Variants in ROR1 observed in about 807,000 individuals in gnomAD.
ROR1 encodes the protein ROR family WNT receptor 1.
Under a neutral mutation model 78.8 loss-of-function variants are expected in ROR1, and 19 were observed. The observed-to-expected ratio is 0.24, with a 90% CI of 0.17 to 0.35. ROR1 has a LOEUF of 0.35. Ranked by LOEUF, ROR1 falls within the 10% of genes least tolerant of loss-of-function variation. The pLI is 1.00. For missense variants in ROR1, 917 were observed against 1,177.8 expected, an observed-to-expected ratio of 0.78 and a Z score of 3.24; for synonymous variants, 386 against 433.6, an observed-to-expected ratio of 0.89 and a Z score of 1.36.
intron 4 of ROR1, among the ~76,000 whole-genome samples, chr1:64,123,990 TGTG>T (rs1648630566): frequency 6.6e-6 from 1 of 152,186 alleles, no homozygotes; most frequent in Non-Finnish European, 1.5e-5. Flanking sequence ...ACTGTGTAAT[TGTG>T]GTCACTAAAA....
chr1:63,998,573 C>A (rs952319177), intron 1 of ROR1, among the ~76,000 whole-genome samples: 2 of 152,114 alleles, frequency 1.3e-5, no homozygotes, highest in African/African-American at 2.4e-5. Flanking sequence ...TAACCTGTAC[C>A]TAGTACCATG....
At chr1:64,171,012 T>G (rs1201481430) in intron 8 of ROR1, among the ~76,000 whole-genome samples, 1 of 152,174 alleles carries the variant, frequency 6.6e-6, no homozygotes, top group Non-Finnish European at 1.5e-5. Flanking sequence ...TTCCCACATT[T>G]TCCTGTCTTC....
intron 1 of ROR1, among the ~76,000 whole-genome samples, chr1:63,934,173 A>C (rs966813948): frequency 3.3e-5 from 5 of 152,164 alleles, no homozygotes; most frequent in Admixed American, 6.5e-5. Flanking sequence ...AACGAGGTCA[A>C]GATCCTGTAG....
At chr1:63,877,433 A>G (rs562947071) in intron 1 of ROR1, among the ~76,000 whole-genome samples, 16 of 152,188 alleles carry the variant, frequency 1.1e-4, no homozygotes, top group Non-Finnish European at 2.2e-4. Context: ...ATTGCCTGAC[A>G]ATGTGTATAA....
At chr1:63,830,463 A>G (rs1644980657) in intron 1 of ROR1, among the ~76,000 whole-genome samples, 1 of 152,176 alleles carries the variant, frequency 6.6e-6, no homozygotes, top group Admixed American at 6.5e-5. Flanking sequence ...CATGTCTTAC[A>G]TGGCAGAGGA....
chr1:63,993,295 A>T lies in ROR1; in HGVS notation c.92-16010A>T, dbSNP rs77963269. On this transcript the variant is annotated intron_variant, in intron 1 of 8. Coordinates refer to ENST00000371079, the MANE Select transcript of ROR1 (RefSeq NM_005012.4). ...GCATACCTCAGAAGAAACACTTGTCATTTGACAGAGGAATCTTTGAGAATT... is the reference window on the plus strand; with the variant it reads ...GCATACCTCAGAAGAAACACTTGTCTTTTGACAGAGGAATCTTTGAGAATT... Among the ~76,000 whole-genome samples the T allele has an allele frequency of 5.7e-3, 872 of 152,298 alleles. 10 individuals carry two copies. The highest frequency in any genetic ancestry group is 0.02 in the African/African-American group (844 of 41,566).
intron 7 of ROR1, among the ~76,000 whole-genome samples, chr1:64,157,626 G>A (rs1649811285): frequency 6.6e-6 from 1 of 152,058 alleles, no homozygotes; most frequent in African/African-American, 2.4e-5. Flanking sequence ...AACTACATAT[G>A]GTTTATTCTC....
intron 1 of ROR1, among the ~76,000 whole-genome samples, chr1:63,916,033 T>C (rs1171297943): frequency 1.3e-5 from 2 of 152,186 alleles, no homozygotes; most frequent in African/African-American, 2.4e-5. Context: ...GTTCAGTTGT[T>C]TTATCCCTAT....
chr1:63,789,018 A>G, intron 1 of ROR1: 1 of 632,832 alleles, frequency 1.6e-6, no homozygotes. Context: ...CATTCTCCTC[A>G]TCCACGTGAC....
intron 1 of ROR1, among the ~76,000 whole-genome samples, chr1:63,779,928 T>A (rs1374673233): frequency 1.3e-5 from 2 of 152,126 alleles, no homozygotes; most frequent in African/African-American, 4.8e-5. Flanking sequence ...AATGGGATAA[T>A]CTTGGCAGGG....
At chr1:63,950,126 C>A (rs1458368302) in intron 1 of ROR1, among the ~76,000 whole-genome samples, 2 of 152,110 alleles carry the variant, frequency 1.3e-5, no homozygotes, top group Non-Finnish European at 2.9e-5. Context: ...CAGAAAGCAG[C>A]CCCAATCCAG....
chr1:63,905,802 CA>C (rs1645523576), intron 1 of ROR1, among the ~76,000 whole-genome samples: 1 of 152,052 alleles, frequency 6.6e-6, no homozygotes, highest in Non-Finnish European at 1.5e-5. Flanking sequence ...AAATTATAAA[CA>C]AAACAACCAA....
chr1:63,792,061 G>T (rs1244203633), intron 1 of ROR1, among the ~76,000 whole-genome samples: 1 of 152,122 alleles, frequency 6.6e-6, no homozygotes, highest in African/African-American at 2.4e-5. Context: ...AATGAGCAGG[G>T]TAAAGAGCTT....
intron 1 of ROR1, among the ~76,000 whole-genome samples, chr1:63,924,931 G>GTTTT (rs1645687341): frequency 9.8e-6 from 1 of 101,714 alleles, no homozygotes; most frequent in African/African-American, 4.2e-5. Context: ...CAAAGGGGAT[G>GTTTT]CTTTTTTTTT....
chr1:64,073,157 A>G lies in ROR1; in HGVS notation c.482+22441A>G, dbSNP rs551641910. ...CTACTTTGCTTAGCTTCCCTCCTCTATGTAAATTTGTTTTATTTATTTAGG... is the reference window on the plus strand; with the variant it reads ...CTACTTTGCTTAGCTTCCCTCCTCTGTGTAAATTTGTTTTATTTATTTAGG... On this transcript the variant is annotated intron_variant, in intron 4 of 8. Transcript: ENST00000371079. Among the ~76,000 whole-genome samples, 27 of 152,024 alleles carry G rather than the reference A, an allele frequency of 1.8e-4. No homozygotes were observed. In the East Asian group the frequency reaches 3.9e-3, roughly 22 times the overall value.
intron 1 of ROR1, among the ~76,000 whole-genome samples, chr1:63,929,178 G>A (rs188672245): frequency 6.6e-6 from 1 of 152,196 alleles, no homozygotes; most frequent in East Asian, 1.9e-4. Context: ...TATAATGTTT[G>A]CTTCCTTTGC....
chr1:64,005,966 A>T (rs1034885543), intron 1 of ROR1, among the ~76,000 whole-genome samples: 17 of 152,324 alleles, frequency 1.1e-4, no homozygotes, highest in Admixed American at 7.2e-4. Context: ...AATTGAAATT[A>T]TCTTTGCTAC....
chr1:63,786,303 C>T (rs201456151), intron 1 of ROR1, among the ~76,000 whole-genome samples: 1,523 of 108,312 alleles, frequency 0.014, 34 homozygotes, highest in African/African-American at 0.048. Context: ...GACAGAGTCT[C>T]GCTCTGTCGC....
intron 1 of ROR1, among the ~76,000 whole-genome samples, chr1:64,006,357 G>T (rs999040256): frequency 6.6e-6 from 1 of 152,096 alleles, no homozygotes; most frequent in African/African-American, 2.4e-5. Context: ...CTTTTCATAG[G>T]TGAACCGCAG....
Sources: allele counts gnomAD v4.1 joint callset (sites outside exome capture counted in the v4.1 genomes callset), GRCh38; gene constraint gnomAD v4.1.1; transcripts MANE v1.5; gene names NCBI Gene and HGNC (gene_info 2026-07-23, HGNC 2026-07-21).